The following BCAR3 variants were observed in gnomAD, a reference collection of about 807,000 sequenced individuals.
The protein encoded by BCAR3 is breast cancer anti-estrogen resistance protein 3.
In BCAR3, 37 loss-of-function variants were observed where a neutral mutation model predicts 80.1. The ratio of observed to expected loss-of-function variants is 0.46; its 90% CI spans 0.36 to 0.61. The LOEUF (loss-of-function observed/expected upper bound fraction) is 0.61. Ranked by LOEUF, BCAR3 falls within the 20% of genes least tolerant of loss-of-function variation. The probability of loss-of-function intolerance (pLI) is 0.00; values close to 1 mark genes in which losing one functional copy is unlikely to be tolerated. For synonymous variants in BCAR3, 389 were observed against 418.9 expected (o/e 0.93, Z 0.87); for missense variants, 978 against 1,068.2 (o/e 0.92, Z 1.18).
chr1:93,748,588 C>A (rs1184393983), intron 2 of BCAR3, among the ~76,000 whole-genome samples: 2 of 152,106 alleles, frequency 1.3e-5, no homozygotes, highest in Admixed American at 6.5e-5. Context: ...GGGAAGTAGC[C>A]CCTTTGGTCA....
chr1:93,834,816 T>C (rs1367897730), intron 2 of BCAR3, among the ~76,000 whole-genome samples: 1 of 152,202 alleles, frequency 6.6e-6, no homozygotes, highest in East Asian at 1.9e-4. Context: ...ACAATTACCA[T>C]TGTTCCTGGC....
chr1:93,648,767 A>ATCACTCCAGCCAAGAGCC (rs1553163327), intron 2 of BCAR3: 7 of 152,234 alleles, frequency 4.6e-5, no homozygotes. Flanking sequence ...GAGGCCCGCC[A>ATCACTCCAGCCAAGAGCC]TCACTCCAGC....
intron 3 of BCAR3, among the ~76,000 whole-genome samples, chr1:93,692,924 G>T (rs1302932629): frequency 1.3e-5 from 2 of 152,090 alleles, no homozygotes; most frequent in African/African-American, 4.8e-5. Context: ...AGTGTGTGGG[G>T]GTCTCAAGCA....
intron 2 of BCAR3, among the ~76,000 whole-genome samples, chr1:93,720,787 C>T (rs1349655826): frequency 1.3e-5 from 2 of 152,212 alleles, no homozygotes; most frequent in Admixed American, 1.3e-4. Context: ...CCCTACACAC[C>T]CTGGGCCTGA....
At chr1:93,661,833 G>A (rs1037780890) in intron 2 of BCAR3, among the ~76,000 whole-genome samples, 2 of 152,178 alleles carry the variant, frequency 1.3e-5, no homozygotes, top group Admixed American at 6.5e-5. Context: ...CTAGATGTGC[G>A]CTTAAATATT....
chr1:93,628,660 T>G (rs1207274187), intron 3 of BCAR3, among the ~76,000 whole-genome samples: 1 of 152,192 alleles, frequency 6.6e-6, no homozygotes, highest in Non-Finnish European at 1.5e-5. Context: ...TATCTAAAAT[T>G]TAATGTCCCC....
At chr1:93,710,644 G>A (rs11164965) in intron 2 of BCAR3, among the ~76,000 whole-genome samples, 151,389 of 152,272 alleles carry the variant, frequency 0.99, 75,261 homozygotes, top group East Asian at 1. Flanking sequence ...GTCTTCTTTC[G>A]GTTTCTTCTG....
At chr1:93,841,368 C>T (rs961656030) in intron 2 of BCAR3, among the ~76,000 whole-genome samples, 2 of 152,252 alleles carry the variant, frequency 1.3e-5, no homozygotes, top group Non-Finnish European at 2.9e-5. Flanking sequence ...AGTCTCAATG[C>T]TTAAATGAAT....
intron 2 of BCAR3, among the ~76,000 whole-genome samples, chr1:93,825,984 A>G (rs1367002371): frequency 6.6e-6 from 1 of 152,212 alleles, no homozygotes; most frequent in Non-Finnish European, 1.5e-5. Context: ...AGTGAGAAGA[A>G]AATTCTCTAA....
intron 9 of BCAR3, among the ~76,000 whole-genome samples, chr1:93,571,200 T>G (rs1570909754): frequency 6.7e-6 from 1 of 148,774 alleles, no homozygotes; most frequent in Non-Finnish European, 1.5e-5. Flanking sequence ...CGAGACTTCG[T>G]TTAAAAAAAA....
chr1:93,747,975 C>G (rs1651415649), intron 2 of BCAR3, among the ~76,000 whole-genome samples: 1 of 151,776 alleles, frequency 6.6e-6, no homozygotes, highest in African/African-American at 2.4e-5. Context: ...AACTGAGAAC[C>G]AACCCTGGTG....
intron 2 of BCAR3, among the ~76,000 whole-genome samples, chr1:93,650,024 C>T (rs1676272960): frequency 6.7e-6 from 1 of 150,270 alleles, no homozygotes; most frequent in Non-Finnish European, 1.5e-5. Context: ...ACTCTGATGG[C>T]ACAGTGATCA....
chr1:93,699,810 T>G (rs1649571741), intron 3 of BCAR3, among the ~76,000 whole-genome samples: 1 of 151,790 alleles, frequency 6.6e-6, no homozygotes, highest in Non-Finnish European at 1.5e-5. Flanking sequence ...ATAGACCCAT[T>G]TCACACACAC....
intron 2 of BCAR3, among the ~76,000 whole-genome samples, chr1:93,776,586 C>T (rs1652559348): frequency 6.6e-6 from 1 of 152,178 alleles, no homozygotes; most frequent in African/African-American, 2.4e-5. Context: ...ACAGAGCTCT[C>T]TCCTGGAATT....
intron 2 of BCAR3, among the ~76,000 whole-genome samples, chr1:93,799,365 G>A (rs191672754): frequency 2.0e-5 from 3 of 152,174 alleles, no homozygotes; most frequent in Non-Finnish European, 4.4e-5. Context: ...GATATCCAAT[G>A]TATGGGGTCA....
intron 2 of BCAR3, among the ~76,000 whole-genome samples, chr1:93,735,320 T>A (rs1333292263): frequency 1.3e-5 from 2 of 152,222 alleles, no homozygotes; most frequent in Non-Finnish European, 2.9e-5. Context: ...ATTTTCCATG[T>A]GATTCTCTGG....
intron 2 of BCAR3, chr1:93,723,375 G>A (rs1039798584): frequency 2.6e-5 from 4 of 152,360 alleles, no homozygotes; most frequent in Admixed American, 6.5e-5. Flanking sequence ...AAGGAGCGAT[G>A]TGCTGGAATG....
At chr1:93,816,574 G>A (rs995095079) in intron 2 of BCAR3, among the ~76,000 whole-genome samples, 2 of 149,486 alleles carry the variant, frequency 1.3e-5, no homozygotes, top group East Asian at 4.0e-4. Flanking sequence ...AAGAGGCTGA[G>A]GCAGGAGAAT....
intron 3 of BCAR3, among the ~76,000 whole-genome samples, chr1:93,616,550 T>C (rs1471587748): frequency 2.0e-5 from 3 of 152,302 alleles, no homozygotes; most frequent in Middle Eastern, 3.4e-3. Context: ...GGCTAGGGAC[T>C]CCAACCTCAG....
Sources: allele counts gnomAD v4.1 joint callset (sites outside exome capture counted in the v4.1 genomes callset), GRCh38; gene constraint gnomAD v4.1.1; transcripts MANE v1.5; gene names NCBI Gene and HGNC (gene_info 2026-07-23, HGNC 2026-07-21).